The following CACNA2D1 variants were observed in gnomAD, a reference collection of about 807,000 sequenced individuals.
The protein encoded by CACNA2D1 is voltage-dependent calcium channel subunit alpha-2/delta-1.
CACNA2D1 carries 53 observed loss-of-function variants against 171.5 expected under a neutral mutation model. The observed-to-expected ratio is 0.31, with a 90% CI of 0.25 to 0.39. The LOEUF (loss-of-function observed/expected upper bound fraction) is 0.39, where lower values mean the gene tolerates loss of function less well. Ranked by LOEUF, CACNA2D1 falls within the 10% of genes least tolerant of loss-of-function variation. CACNA2D1 has a pLI of 1.00. For missense variants in CACNA2D1, 903 were observed against 1,299.8 expected (o/e 0.69, Z 4.69); for synonymous variants, 442 against 443.1 (o/e 1.00, Z 0.03).
intron 6 of CACNA2D1, among the ~76,000 whole-genome samples, chr7:82,089,586 A>G (rs562691001): frequency 6.6e-6 from 1 of 152,250 alleles, no homozygotes; most frequent in Non-Finnish European, 1.5e-5. Flanking sequence ...GTTTTAAAAA[A>G]CTGGCCTTGG....
chr7:82,409,115 A>G (rs1827377573), intron 1 of CACNA2D1, among the ~76,000 whole-genome samples: 1 of 152,128 alleles, frequency 6.6e-6, no homozygotes, highest in South Asian at 2.1e-4. Context: ...GGCTATATCT[A>G]TAAGTTCCCC....
chr7:82,340,190 A>G (rs1417841937), intron 2 of CACNA2D1, among the ~76,000 whole-genome samples: 1 of 152,164 alleles, frequency 6.6e-6, no homozygotes, highest in Non-Finnish European at 1.5e-5. Context: ...AGCTGTGAAG[A>G]GCTCCCAGCA....
At chr7:81,956,288 TTAAGAGAAAGG>T (rs1793335357) in intron 38 of CACNA2D1, among the ~76,000 whole-genome samples, 1 of 152,022 alleles carries the variant, frequency 6.6e-6, no homozygotes, top group South Asian at 2.1e-4. Flanking sequence ...CTATAAGTTT[TTAAGAGAAAGG>T]TAAAAAGAGA....
At chr7:82,191,922 A>G (rs1348354989) in intron 3 of CACNA2D1, among the ~76,000 whole-genome samples, 1 of 151,874 alleles carries the variant, frequency 6.6e-6, no homozygotes, top group Non-Finnish European at 1.5e-5. Context: ...TTAGAAATAC[A>G]AAGAATGATT....
At chr7:82,067,208 C>G (rs1416706944) in intron 7 of CACNA2D1, among the ~76,000 whole-genome samples, 1 of 152,088 alleles carries the variant, frequency 6.6e-6, no homozygotes, top group Non-Finnish European at 1.5e-5. Context: ...TTGATACTTA[C>G]TTTAATTAAA....
chr7:82,328,971 C>A (rs529781988), intron 3 of CACNA2D1, among the ~76,000 whole-genome samples: 2 of 152,202 alleles, frequency 1.3e-5, no homozygotes, highest in South Asian at 4.1e-4. Context: ...CCTGGATCCC[C>A]TTCTCACTTC....
chr7:82,346,338 G>C (rs943031927), intron 2 of CACNA2D1, among the ~76,000 whole-genome samples: 12 of 152,118 alleles, frequency 7.9e-5, no homozygotes, highest in Non-Finnish European at 1.2e-4. Flanking sequence ...CATTTGTTGA[G>C]TTCTCACTAT....
rs888226255 is a variant in CACNA2D1 at position 82,438,704 on chromosome 7, A to C, written c.95+4661T>G. ...TCACAGATAGTTCATGAAAAGAAAGACTGGTTGACACAGTTAGTGACACAG... is the reference window on the plus strand; with the variant it reads ...TCACAGATAGTTCATGAAAAGAAAGCCTGGTTGACACAGTTAGTGACACAG... On this transcript the variant is annotated intron_variant, in intron 1 of 38. Transcript: ENST00000356860. 3.3e-5 allele frequency among the ~76,000 whole-genome samples: 5 copies of C among 152,300 alleles called. No individual in the cohort carries two copies. The East Asian group carries it at 9.7e-4, about 29-fold the overall frequency.
At chr7:82,399,445 A>G (rs1028586286) in intron 1 of CACNA2D1, among the ~76,000 whole-genome samples, 1 of 152,100 alleles carries the variant, frequency 6.6e-6, no homozygotes, top group Non-Finnish European at 1.5e-5. Context: ...ATCTCAAAAA[A>G]AAAAACAAAA....
chr7:82,092,919 G>T (rs1235828890), intron 6 of CACNA2D1, among the ~76,000 whole-genome samples: 1 of 151,796 alleles, frequency 6.6e-6, no homozygotes, highest in African/African-American at 2.4e-5. Context: ...TCTGAGAGCA[G>T]AGAAATGAAG....
At chr7:82,133,860 C>T (rs1791292375) in intron 5 of CACNA2D1, among the ~76,000 whole-genome samples, 1 of 152,120 alleles carries the variant, frequency 6.6e-6, no homozygotes, top group South Asian at 2.1e-4. Flanking sequence ...ATCAGGAGGT[C>T]AGGAGATCGA....
At chr7:82,046,064 G>C (rs115783459) in intron 10 of CACNA2D1, among the ~76,000 whole-genome samples, 1 of 152,126 alleles carries the variant, frequency 6.6e-6, no homozygotes, top group African/African-American at 2.4e-5. Context: ...TTGCTCTCAT[G>C]AGTAAATTAG....
intron 1 of CACNA2D1, among the ~76,000 whole-genome samples, chr7:82,389,523 A>G (rs1824849085): frequency 6.6e-6 from 1 of 152,192 alleles, no homozygotes; most frequent in Non-Finnish European, 1.5e-5. Flanking sequence ...GAAGTACAGA[A>G]TGCTAAATGG....
intron 4 of CACNA2D1, among the ~76,000 whole-genome samples, chr7:82,169,506 A>G (rs1795803552): frequency 6.6e-6 from 1 of 152,066 alleles, no homozygotes; most frequent in Admixed American, 6.6e-5. Context: ...TCAAGAATGG[A>G]AGACTATTAT....
chr7:82,050,680 T>C (rs1254498775), intron 10 of CACNA2D1: 1 of 700,026 alleles, frequency 1.4e-6, no homozygotes, highest in Non-Finnish European at 2.6e-6. Flanking sequence ...TAGACTTAAA[T>C]GTGAAAGATT....
chr7:82,096,828 T>C (rs1811929463), intron 6 of CACNA2D1, among the ~76,000 whole-genome samples: 1 of 151,948 alleles, frequency 6.6e-6, no homozygotes. Context: ...TTTTTAAAAA[T>C]CACTATTTAA....
At chr7:82,420,924 C>G (rs1563529399) in intron 1 of CACNA2D1, among the ~76,000 whole-genome samples, 1 of 152,038 alleles carries the variant, frequency 6.6e-6, no homozygotes, top group African/African-American at 2.4e-5. Flanking sequence ...TACACTTCTT[C>G]AAGTCCATAT....
chr7:82,340,315 G>A (rs908791908), intron 2 of CACNA2D1, among the ~76,000 whole-genome samples: 6 of 150,994 alleles, frequency 4.0e-5, no homozygotes, highest in African/African-American at 1.5e-4. Flanking sequence ...TCCTGAGTTC[G>A]CTTAATTTGG....
chr7:82,140,382 T>A (rs931990885), intron 4 of CACNA2D1, among the ~76,000 whole-genome samples: 2 of 152,206 alleles, frequency 1.3e-5, no homozygotes, highest in African/African-American at 2.4e-5. Context: ...ATGATAAATA[T>A]GCTTTTCTTT....
Sources: gnomAD v4.1 joint callset for allele counts (sites outside exome capture counted in the v4.1 genomes callset) on GRCh38, gnomAD v4.1.1 for gene constraint, MANE v1.5 for transcripts, NCBI Gene and HGNC (gene_info 2026-07-23, HGNC 2026-07-21) for gene names.